Variants in ZC3H7A observed in about 807,000 individuals in gnomAD.
The protein encoded by ZC3H7A is zinc finger CCCH-type containing 7A.
Under a neutral mutation model 125.5 loss-of-function variants are expected in ZC3H7A, and 44 were observed. That is an observed-to-expected ratio of 0.35 (90% CI 0.28 to 0.45). The LOEUF is 0.45. Ranked by LOEUF, ZC3H7A falls within the 20% of genes least tolerant of loss-of-function variation. ZC3H7A has a pLI of 1.00. For missense variants in ZC3H7A, 977 were observed against 1,170.7 expected, an observed-to-expected ratio of 0.83 and a Z score of 2.41; for synonymous variants, 399 against 391.2, an observed-to-expected ratio of 1.02 and a Z score of -0.23.
chr16:11,784,986 C>A (rs2053234281), intron 1 of ZC3H7A, among the ~76,000 whole-genome samples: 2 of 151,940 alleles, frequency 1.3e-5, no homozygotes, highest in South Asian at 4.1e-4. Context: ...TGGGGAAACC[C>A]CATCTCTACT....
chr16:11,752,074 T>G (rs2052562445), intron 22 of ZC3H7A, among the ~76,000 whole-genome samples: 2 of 152,014 alleles, frequency 1.3e-5, no homozygotes, highest in Non-Finnish European at 2.9e-5. Context: ...CCCGGCTAAT[T>G]TTTGTAGTTT....
chr16:11,769,961 AT>A (rs2052950345), intron 10 of ZC3H7A, among the ~76,000 whole-genome samples: 1 of 150,648 alleles, frequency 6.6e-6, no homozygotes, highest in South Asian at 2.1e-4. Flanking sequence ...TAATTTTTAT[AT>A]TTTTTGTAGA....
Position 11,762,719 on chromosome 16 carries a change from C to T in ZC3H7A, c.2031G>A (p.Glu677=), listed in dbSNP as rs2052772836. The T allele has an allele frequency of 6.2e-7, 1 of 1,613,856 alleles. No individual in the cohort carries two copies. ...CCAAATTCTGCCAATATCGTTTAGA[C>T]TCTTGAGCAATAGCATCATGTGAGA... ...TGISHDAIAQ[E]SKRYWQNLEA... is the part of the protein sequence containing the mutation. Residue 677 remains glutamate (E), a synonymous_variant, in exon 17 of 23, where the codon GAG becomes GAA. Transcript: ENST00000355758.
intron 10 of ZC3H7A, among the ~76,000 whole-genome samples, chr16:11,770,486 G>A (rs1193334386): frequency 6.6e-6 from 1 of 152,000 alleles, no homozygotes; most frequent in South Asian, 2.1e-4. Flanking sequence ...ACACCTTTAC[G>A]GGAGAATACA....
At chr16:11,775,115 G>A in intron 7 of ZC3H7A, 102 bp from the exon 8 acceptor site, 1 of 1,282,658 alleles carries the variant, frequency 7.8e-7, no homozygotes, top group Non-Finnish European at 1.1e-6. Context: ...GCTCACGCCT[G>A]TAATCCCAGC....
Position 11,762,204 on chromosome 16 carries a change from C to A in ZC3H7A, c.2080-161G>T, listed in dbSNP as rs182016631. Among the ~76,000 whole-genome samples, 13 of 152,204 alleles carry A rather than the reference C, an allele frequency of 8.5e-5. No homozygotes were observed. The East Asian group carries it at 2.5e-3, about 29-fold the overall frequency. On this transcript the variant is annotated intron_variant, in intron 17 of 22. Coordinates refer to ENST00000355758, the MANE Select transcript of ZC3H7A (RefSeq NM_014153.4). ...ATATCTGATAACTAAATCTCCAATT[C>A]TCCCCCCAAATGTAAGAGAATATCA...
intron 9 of ZC3H7A, among the ~76,000 whole-genome samples, chr16:11,771,356 A>G (rs1253714352): frequency 2.6e-5 from 4 of 151,938 alleles, no homozygotes; most frequent in African/African-American, 9.7e-5. Context: ...CAATTGCACT[A>G]CAGCCTGGGC....
intron 1 of ZC3H7A, among the ~76,000 whole-genome samples, chr16:11,784,628 G>T (rs953364215): frequency 1.3e-5 from 2 of 152,154 alleles, no homozygotes; most frequent in Non-Finnish European, 2.9e-5. Flanking sequence ...GCCGAGGCGA[G>T]TGGATCACCC....
At chr16:11,784,700 C>T (rs2053227985) in intron 1 of ZC3H7A, among the ~76,000 whole-genome samples, 1 of 151,944 alleles carries the variant, frequency 6.6e-6, no homozygotes, top group Non-Finnish European at 1.5e-5. Context: ...ACTGAAAATA[C>T]AAAATTAGCT....
chr16:11,779,386 T>C, intron 3 of ZC3H7A, 23 bp from the exon 4 acceptor site: 3 of 1,595,990 alleles, frequency 1.9e-6, no homozygotes, highest in Non-Finnish European at 2.6e-6. Context: ...AAGTTACCAC[T>C]TGAAGCCTTT....
At chr16:11,769,211 T>C (rs1292172146) in intron 10 of ZC3H7A, 116 bp from the exon 11 acceptor site, 3 of 873,334 alleles carry the variant, frequency 3.4e-6, no homozygotes, top group South Asian at 2.3e-5. Context: ...TCCCAGTTTC[T>C]AGAAATTTTC....
chr16:11,773,048 G>C (rs937311527), intron 9 of ZC3H7A, among the ~76,000 whole-genome samples: 1 of 151,864 alleles, frequency 6.6e-6, no homozygotes, highest in Non-Finnish European at 1.5e-5. Flanking sequence ...TAGGCCACAC[G>C]GTCCCTGTTG....
At chr16:11,774,179 A>C in intron 9 of ZC3H7A, 57 bp downstream of exon 9, 1 of 1,434,926 alleles carries the variant, frequency 7.0e-7, no homozygotes, top group Non-Finnish European at 9.2e-7. Context: ...GTTATATTAC[A>C]ATTTTTAAAA....
chr16:11,781,774 T>C (rs2053177645), intron 2 of ZC3H7A, among the ~76,000 whole-genome samples: 1 of 152,048 alleles, frequency 6.6e-6, no homozygotes, highest in Non-Finnish European at 1.5e-5. Context: ...AGGTTAAAAA[T>C]AGTACAGAGC....
chr16:11,764,531 A>G (rs1459093016), intron 15 of ZC3H7A, among the ~76,000 whole-genome samples: 3 of 152,100 alleles, frequency 2.0e-5, no homozygotes, highest in Admixed American at 2.0e-4. Context: ...CCTGGGAAAC[A>G]GAAAAAGACT....
At position 11,770,949 on chromosome 16, in the gene ZC3H7A, A is replaced by G; in HGVS notation, c.942T>C (p.Ser314=). 1 of 1,613,620 alleles carries G rather than the reference A, an allele frequency of 6.2e-7. No homozygotes were observed. The highest frequency in any genetic ancestry group is 1.1e-5 in the South Asian group (1 of 91,010). Residue 314 remains serine (S), a synonymous_variant, in exon 10 of 23, where the codon AGT becomes AGC. Coordinates refer to ENST00000355758, the MANE Select transcript of ZC3H7A (RefSeq NM_014153.4). The part of the protein sequence containing the change: ...ALVRGPLQTA[S]VSPSMPFSAS... ...CCGAAAAGGGCATGCTAGGAGAGAC[A>G]CTGGCTGTCTGAAGGGGTCCTCTGA...
chr16:11,788,290 C>A (rs1053857454), intron 1 of ZC3H7A, among the ~76,000 whole-genome samples: 2 of 152,032 alleles, frequency 1.3e-5, no homozygotes, highest in African/African-American at 4.8e-5. Flanking sequence ...CCTGAGGACC[C>A]ACTCTTGAGA....
chr16:11,759,019 G>C (rs2052698056), intron 19 of ZC3H7A: 1 of 154,302 alleles, frequency 6.5e-6, no homozygotes, highest in African/African-American at 2.4e-5. Flanking sequence ...ACTAACCTCG[G>C]CCATAATTCA....
intron 4 of ZC3H7A, among the ~76,000 whole-genome samples, chr16:11,777,669 C>T (rs749426324): frequency 6.6e-6 from 1 of 151,796 alleles, no homozygotes; most frequent in Non-Finnish European, 1.5e-5. Flanking sequence ...TACAGTAAGC[C>T]GAGATTGTGC....
Sources: gnomAD v4.1 joint callset for allele counts (sites outside exome capture counted in the v4.1 genomes callset) on GRCh38, gnomAD v4.1.1 for gene constraint, MANE v1.5 for transcripts, NCBI Gene and HGNC (gene_info 2026-07-23, HGNC 2026-07-21) for gene names.